TRAPPC9: variants seen among roughly 807,000 people sequenced by gnomAD.
The protein encoded by TRAPPC9 is trafficking protein particle complex subunit 9.
TRAPPC9 carries 83 observed loss-of-function variants against 124.0 expected under a neutral mutation model. That is an observed-to-expected ratio of 0.67 (90% CI 0.56 to 0.80). The LOEUF (loss-of-function observed/expected upper bound fraction) is 0.80, where lower values mean the gene tolerates loss of function less well. Ranked by LOEUF, TRAPPC9 falls within the 30% of genes least tolerant of loss-of-function variation. The pLI is 0.00. For synonymous variants in TRAPPC9, 638 were observed against 617.5 expected, an observed-to-expected ratio of 1.03 and a Z score of -0.49; for missense variants, 1,302 against 1,508.3, an observed-to-expected ratio of 0.86 and a Z score of 2.27.
chr8:140,023,715 C>T (rs113333212), intron 18 of TRAPPC9, among the ~76,000 whole-genome samples: 1,794 of 152,244 alleles, frequency 0.012, 33 homozygotes, highest in African/African-American at 0.041. Context: ...TACAGCACGG[C>T]GTGATATGTA....
intron 18 of TRAPPC9, among the ~76,000 whole-genome samples, chr8:139,998,437 G>C (rs763333309): frequency 6.6e-6 from 1 of 152,226 alleles, no homozygotes; most frequent in Non-Finnish European, 1.5e-5. Flanking sequence ...ATACACAATG[G>C]ACTGGGCGCA....
chr8:139,958,991 A>ATTCCGAGTCACACGGGGGAGCC (rs1835192793), intron 19 of TRAPPC9, among the ~76,000 whole-genome samples: 8 of 33,634 alleles, frequency 2.4e-4, no homozygotes, highest in Admixed American at 5.0e-4. Context: ...ACGGGGGAGC[A>ATTCCGAGTCACACGGGGGAGCC]CTGCATTCCG....
At chr8:140,258,062 G>C (rs1279884905) in intron 15 of TRAPPC9, among the ~76,000 whole-genome samples, 1 of 152,266 alleles carries the variant, frequency 6.6e-6, no homozygotes, top group Non-Finnish European at 1.5e-5. Flanking sequence ...CTCATGGTCT[G>C]ACAGAGGAGG....
At chr8:140,389,947 G>A (rs898531900) in intron 7 of TRAPPC9, among the ~76,000 whole-genome samples, 9 of 152,030 alleles carry the variant, frequency 5.9e-5, no homozygotes, top group African/African-American at 1.7e-4. Flanking sequence ...CCATGAAGTA[G>A]ATGTAATTAT....
chr8:140,391,936 G>A (rs1297216019), intron 7 of TRAPPC9, among the ~76,000 whole-genome samples: 3 of 151,330 alleles, frequency 2.0e-5, no homozygotes, highest in Non-Finnish European at 2.9e-5. Context: ...TGAGGCAGGA[G>A]AATTGCTTGA....
chr8:140,429,282 G>C (rs1193328511), intron 4 of TRAPPC9, among the ~76,000 whole-genome samples: 5 of 151,958 alleles, frequency 3.3e-5, no homozygotes, highest in Admixed American at 1.3e-4. Flanking sequence ...AGTAGACACG[G>C]GGTTTTACCA....
intron 17 of TRAPPC9, among the ~76,000 whole-genome samples, chr8:140,056,386 G>C (rs1211967430): frequency 2.6e-5 from 4 of 151,850 alleles, no homozygotes; most frequent in Non-Finnish European, 4.4e-5. Flanking sequence ...GTCTAGCCTA[G>C]GCAACAGAGT....
At chr8:140,279,236 T>C (rs2065227951) in intron 14 of TRAPPC9, among the ~76,000 whole-genome samples, 1 of 152,214 alleles carries the variant, frequency 6.6e-6, no homozygotes, top group African/African-American at 2.4e-5. Flanking sequence ...AGTACCTCCT[T>C]CCAGACTGAG....
intron 21 of TRAPPC9, among the ~76,000 whole-genome samples, chr8:139,808,920 T>C (rs1824247785): frequency 6.6e-6 from 1 of 152,184 alleles, no homozygotes; most frequent in African/African-American, 2.4e-5. Flanking sequence ...TTATGACAAA[T>C]GCTGCCACAA....
intron 17 of TRAPPC9, among the ~76,000 whole-genome samples, chr8:140,141,352 C>T (rs2061379552): frequency 6.6e-6 from 1 of 152,238 alleles, no homozygotes; most frequent in Admixed American, 6.5e-5. Flanking sequence ...TTATCTGGCG[C>T]ATCCACACTG....
chr8:140,088,141 G>C (rs565888455), intron 17 of TRAPPC9, among the ~76,000 whole-genome samples: 40 of 152,112 alleles, frequency 2.6e-4, no homozygotes, highest in African/African-American at 9.2e-4. Flanking sequence ...CCTGGAACTG[G>C]CACTCTCAGA....
intron 18 of TRAPPC9, among the ~76,000 whole-genome samples, chr8:140,019,244 GT>G (rs59851020): frequency 0.093 from 14,170 of 152,124 alleles, 1,091 homozygotes; most frequent in African/African-American, 0.21. Flanking sequence ...TATACATGAG[GT>G]TATTGGTCTA....
chr8:139,775,767 C>A (rs1422621602), intron 21 of TRAPPC9, among the ~76,000 whole-genome samples: 2 of 152,228 alleles, frequency 1.3e-5, no homozygotes, highest in Non-Finnish European at 2.9e-5. Context: ...AGCCCAAATT[C>A]TGGAGCCTTC....
At chr8:140,397,879 G>A (rs754948829) in intron 6 of TRAPPC9, 134 bp from the exon 7 acceptor site, 2 of 1,182,088 alleles carry the variant, frequency 1.7e-6, no homozygotes, top group East Asian at 2.4e-5. Context: ...TACCCCTCCT[G>A]ATATGGTTTG....
chr8:139,752,342 C>T (rs1244639349), intron 21 of TRAPPC9, among the ~76,000 whole-genome samples: 1 of 150,944 alleles, frequency 6.6e-6, no homozygotes, highest in Non-Finnish European at 1.5e-5. Flanking sequence ...ATTCATCCAA[C>T]ATCTACCCAT....
At chr8:140,117,102 G>A (rs1403776484) in intron 17 of TRAPPC9, among the ~76,000 whole-genome samples, 1 of 152,112 alleles carries the variant, frequency 6.6e-6, no homozygotes, top group Non-Finnish European at 1.5e-5. Context: ...GGGTACTGTG[G>A]GAAGAGAAGG....
intron 21 of TRAPPC9, among the ~76,000 whole-genome samples, chr8:139,817,193 G>A (rs989817464): frequency 1.3e-5 from 2 of 152,098 alleles, no homozygotes; most frequent in Non-Finnish European, 2.9e-5. Context: ...GGTTCACAGC[G>A]CCCCATCTGG....
intron 16 of TRAPPC9, among the ~76,000 whole-genome samples, chr8:140,245,415 T>C (rs2063958000): frequency 6.6e-6 from 1 of 152,232 alleles, no homozygotes; most frequent in Admixed American, 6.5e-5. Flanking sequence ...AAATGCGTCA[T>C]TTAACTCTCT....
At chr8:139,879,737 GA>G (rs1361743995) in intron 21 of TRAPPC9, among the ~76,000 whole-genome samples, 2 of 152,242 alleles carry the variant, frequency 1.3e-5, no homozygotes, top group Non-Finnish European at 2.9e-5. Flanking sequence ...AGAAGACAGA[GA>G]AAGAAACCAG....
Sources: gnomAD v4.1 joint callset for allele counts (sites outside exome capture counted in the v4.1 genomes callset) on GRCh38, gnomAD v4.1.1 for gene constraint, MANE v1.5 for transcripts, NCBI Gene and HGNC (gene_info 2026-07-23, HGNC 2026-07-21) for gene names.